The following SEM1 variants were observed in gnomAD, a reference collection of about 807,000 sequenced individuals.
SEM1 encodes the protein SEM1 26S proteasome subunit.
A neutral mutation model predicts 12.7 loss-of-function variants in SEM1; 3 were observed. The ratio of observed to expected loss-of-function variants is 0.24; its 90% CI spans 0.11 to 0.61. SEM1 has a LOEUF of 0.61. SEM1 is among the 20% of genes least tolerant of loss of function. SEM1 has a pLI of 0.88. For synonymous variants in SEM1, 30 were observed against 27.8 expected (o/e 1.08, Z -0.25); for missense variants, 59 against 81.3 (o/e 0.73, Z 1.06).
intron 2 of SEM1, among the ~76,000 whole-genome samples, chr7:96,674,462 G>C (rs1347909851): frequency 6.6e-6 from 1 of 152,004 alleles, no homozygotes; most frequent in African/African-American, 2.4e-5. Flanking sequence ...TTAGAGACCA[G>C]ACTGGGCAAC....
intron 2 of SEM1, among the ~76,000 whole-genome samples, chr7:96,555,173 A>C (rs1207945753): frequency 1.0e-5 from 1 of 100,236 alleles, no homozygotes; most frequent in African/African-American, 2.5e-5. Flanking sequence ...AATTTTTTGA[A>C]GGGTTTTTGT....
At chr7:96,562,495 G>A (rs554163634) in intron 2 of SEM1, among the ~76,000 whole-genome samples, 1 of 152,194 alleles carries the variant, frequency 6.6e-6, no homozygotes, top group Non-Finnish European at 1.5e-5. Context: ...ATCACCCACT[G>A]TATGATAAGC....
intron 2 of SEM1, among the ~76,000 whole-genome samples, chr7:96,535,208 T>TCC: frequency 6.6e-6 from 1 of 151,940 alleles, no homozygotes; most frequent in Middle Eastern, 3.2e-3. Context: ...TAAAGTTAAA[T>TCC]TTGTAAAATT....
chr7:96,534,464 A>G (rs969824873), intron 2 of SEM1, among the ~76,000 whole-genome samples: 8 of 152,114 alleles, frequency 5.3e-5, no homozygotes, highest in Admixed American at 1.3e-4. Flanking sequence ...AAAATCAGAC[A>G]TGGGTAAAAG....
downstream of SEM1, chr7:96,622,320 G>A (rs1333775917): frequency 1.5e-5 from 6 of 413,384 alleles, no homozygotes; most frequent in East Asian, 1.9e-4. Flanking sequence ...GCTTGAAGCT[G>A]GCCTTAAATC....
At chr7:96,665,565 A>T (rs970616961) in intron 2 of SEM1, among the ~76,000 whole-genome samples, 5 of 152,204 alleles carry the variant, frequency 3.3e-5, no homozygotes, top group African/African-American at 1.2e-4. Context: ...AGTTATTTTT[A>T]CTCAGGAATT....
chr7:96,569,632 T>G (rs1805955722), intron 2 of SEM1, among the ~76,000 whole-genome samples: 1 of 152,154 alleles, frequency 6.6e-6, no homozygotes, highest in African/African-American at 2.4e-5. Context: ...AGTCTGTTTT[T>G]AGCGTAGTCA....
rs1790349086 is a variant in SEM1, at chr7:96,703,817, A to G, written c.76+5871T>C. Among the ~76,000 whole-genome samples, 5 of 152,074 alleles carry G rather than the reference A, an allele frequency of 3.3e-5. No individual in the cohort carries two copies. The South Asian group carries it at 1.0e-3, about 32-fold the overall frequency. ...GAAAGAACAAATTAGGTGAGATGGC[A>G]CATGCCTGTACTCCCAGCTACTAGG... On this transcript the variant is annotated intron_variant, in intron 1 of 2. Coordinates refer to ENST00000248566, the MANE Select transcript of SEM1 (RefSeq NM_006304.2).
At chr7:96,609,194 G>C (rs1807471272) in intron 2 of SEM1, among the ~76,000 whole-genome samples, 1 of 152,010 alleles carries the variant, frequency 6.6e-6, no homozygotes, top group Non-Finnish European at 1.5e-5. Context: ...TTATGATATT[G>C]AGCATCTGCC....
chr7:96,516,488 A>G (rs1804099110), intron 2 of SEM1, among the ~76,000 whole-genome samples: 1 of 152,168 alleles, frequency 6.6e-6, no homozygotes, highest in Non-Finnish European at 1.5e-5. Context: ...CAGATTCTCC[A>G]CCTCTTATAT....
chr7:96,568,414 G>A (rs958452303), intron 2 of SEM1, among the ~76,000 whole-genome samples: 1 of 151,558 alleles, frequency 6.6e-6, no homozygotes, highest in African/African-American at 2.4e-5. Flanking sequence ...TTTAAAAAGC[G>A]CAATTTTTAA....
At chr7:96,582,614 G>T (rs1286024813) in intron 2 of SEM1, among the ~76,000 whole-genome samples, 1 of 152,132 alleles carries the variant, frequency 6.6e-6, no homozygotes, top group Admixed American at 6.5e-5. Flanking sequence ...GACTCTTTTT[G>T]GTTGGTAAGC....
At chr7:96,666,653 T>TG (rs1789180131) in intron 2 of SEM1, among the ~76,000 whole-genome samples, 1 of 151,722 alleles carries the variant, frequency 6.6e-6, no homozygotes, top group African/African-American at 2.4e-5. Flanking sequence ...TTTTTTTTTT[T>TG]TGCCTCAACC....
intron 2 of SEM1, among the ~76,000 whole-genome samples, chr7:96,533,873 C>A (rs1804712178): frequency 6.6e-6 from 1 of 151,964 alleles, no homozygotes; most frequent in Admixed American, 6.6e-5. Flanking sequence ...GTGTAGTAGT[C>A]CTATTTGTCA....
chr7:96,524,840 T>TA (rs1235332552), intron 2 of SEM1, among the ~76,000 whole-genome samples: 2 of 152,104 alleles, frequency 1.3e-5, no homozygotes, highest in Admixed American at 1.3e-4. Flanking sequence ...TCATAAAACT[T>TA]ACAGTTGAAA....
chr7:96,509,449 G>A (rs1803863363), intron 2 of SEM1, among the ~76,000 whole-genome samples: 1 of 152,100 alleles, frequency 6.6e-6, no homozygotes, highest in African/African-American at 2.4e-5. Context: ...GTTATTTGAT[G>A]TATGATGAGT....
At chr7:96,672,721 C>T (rs1789350040), downstream of SEM1, 1 of 152,232 alleles carries the variant, frequency 6.6e-6, no homozygotes, top group African/African-American at 2.4e-5. Context: ...TATATGCATA[C>T]CTTTTCCCTG....
chr7:96,483,921 A>G (rs1265874383), exon 4 of SEM1: 3 of 1,536,724 alleles, frequency 2.0e-6, no homozygotes, highest in Non-Finnish European at 2.6e-6. Context: ...CCAGGCAGGC[A>G]AGAACAATCT....
chr7:96,663,814 G>A (rs1302846123), intron 2 of SEM1, among the ~76,000 whole-genome samples: 1 of 152,072 alleles, frequency 6.6e-6, no homozygotes, highest in South Asian at 2.1e-4. Flanking sequence ...AAATATAAAA[G>A]TCAAACAAAT....
Sources: allele counts gnomAD v4.1 joint callset (sites outside exome capture counted in the v4.1 genomes callset), GRCh38; gene constraint gnomAD v4.1.1; transcripts MANE v1.5; gene names NCBI Gene and HGNC (gene_info 2026-07-23, HGNC 2026-07-21).